SHROOM3: variants seen among roughly 807,000 people sequenced by gnomAD.
The protein encoded by SHROOM3 is protein Shroom3.
Under a neutral mutation model 138.6 loss-of-function variants are expected in SHROOM3, and 47 were observed. The observed-to-expected ratio is 0.34, with a 90% CI of 0.27 to 0.43. SHROOM3 has a LOEUF of 0.43. SHROOM3 is among the 20% of genes least tolerant of loss of function. The pLI, the probability that SHROOM3 is intolerant of heterozygous loss-of-function variation, is 1.00. For missense variants in SHROOM3, 2,491 were observed against 2,596.5 expected (o/e 0.96, Z 0.88); for synonymous variants, 1,062 against 1,063.3 (o/e 1.00, Z 0.02).
At chr4:76,658,184 A>G (rs1041960736) in intron 2 of SHROOM3, among the ~76,000 whole-genome samples, 18 of 152,362 alleles carry the variant, frequency 1.2e-4, no homozygotes, top group African/African-American at 4.1e-4. Context: ...GACTGTGAGG[A>G]TGTGAAGCTG....
intron 1 of SHROOM3, 83 bp from the exon 2 acceptor site, chr4:76,555,526 C>G: frequency 1.3e-6 from 2 of 1,598,120 alleles, no homozygotes; most frequent in Non-Finnish European, 1.7e-6. Context: ...CTGCAGGAGT[C>G]TAAGCTGGGC....
intron 3 of SHROOM3, among the ~76,000 whole-genome samples, chr4:76,728,819 T>C (rs1249589588): frequency 6.6e-6 from 1 of 152,178 alleles, no homozygotes; most frequent in African/African-American, 2.4e-5. Flanking sequence ...CGAAAGGCTG[T>C]GACCATGGTA....
intron 1 of SHROOM3, among the ~76,000 whole-genome samples, chr4:76,442,066 G>T (rs1230190389): frequency 6.6e-6 from 1 of 152,232 alleles, no homozygotes; most frequent in Non-Finnish European, 1.5e-5. Flanking sequence ...GTCCTATAAA[G>T]GTAGTTGTTT....
chr4:76,683,294 A>T (rs771411625), intron 2 of SHROOM3, among the ~76,000 whole-genome samples: 20 of 152,202 alleles, frequency 1.3e-4, no homozygotes, highest in Non-Finnish European at 2.4e-4. Context: ...AAAGTTAATC[A>T]TTTCTCTGCC....
chr4:76,621,830 C>CTTT, intron 2 of SHROOM3, among the ~76,000 whole-genome samples: 1 of 133,380 alleles, frequency 7.5e-6, no homozygotes, highest in Non-Finnish European at 1.6e-5. Context: ...TTTGAATGTT[C>CTTT]TTTTTTTTTT....
intron 1 of SHROOM3, among the ~76,000 whole-genome samples, chr4:76,461,067 A>G (rs1731133333): frequency 1.3e-5 from 2 of 152,068 alleles, no homozygotes; most frequent in Admixed American, 6.6e-5. Flanking sequence ...AGGGCACATC[A>G]TAATGGCTTT....
At chr4:76,459,551 T>C (rs150168400) in intron 1 of SHROOM3, among the ~76,000 whole-genome samples, 177 of 152,224 alleles carry the variant, frequency 1.2e-3, no homozygotes, top group African/African-American at 4.1e-3. Flanking sequence ...CAGGATCAAG[T>C]TGGAGCAGTA....
rs563793546 is a variant in SHROOM3, at chr4:76,561,642, C to T, written c.323+5879C>T. On this transcript the variant is annotated intron_variant, in intron 2 of 10. Transcript: ENST00000296043. Reference sequence around the variant, plus strand: ...CAAGCAGTGAAATCATGAACTAGTGCTTTCTATTCCACTGCCTCCTCCTTT... The same window carrying T: ...CAAGCAGTGAAATCATGAACTAGTGTTTTCTATTCCACTGCCTCCTCCTTT... Among the ~76,000 whole-genome samples the T allele has an allele frequency of 8.3e-5, 12 of 144,294 alleles. No individual in the cohort carries two copies. The South Asian group carries it at 2.6e-3, about 32-fold the overall frequency. 94.7% of individuals were successfully genotyped at this position (144,294 alleles called of 152,430 possible).
chr4:76,632,988 C>T (rs941506206), intron 2 of SHROOM3, among the ~76,000 whole-genome samples: 8 of 152,084 alleles, frequency 5.3e-5, no homozygotes, highest in African/African-American at 1.9e-4. Flanking sequence ...TCATTTTATC[C>T]TCACAATTCC....
Position 76,742,080 on chromosome 4 carries a change from TC to T in SHROOM3, c.3753+155del, listed in dbSNP as rs1721277888. ...AGCATTTGTTTTCATGAGTTGAGTT[TC>T]TCAAGTGTCCCTTACCTGGTTTCCT... On this transcript the variant is annotated intron_variant, in intron 5 of 10. Transcript: ENST00000296043. 3.1e-6 allele frequency: 3 copies of T among 983,246 alleles called. No individual in the cohort carries two copies. The South Asian group carries it at 4.1e-5, about 14-fold the overall frequency. The allele number at this position is 983,246 out of a possible 1,614,324, so 60.9% of individuals were successfully genotyped here. A position where few individuals can be genotyped will look rare whatever the true frequency, so the allele number is the denominator to read the frequency against.
intron 2 of SHROOM3, among the ~76,000 whole-genome samples, chr4:76,615,696 C>T (rs1040693439): frequency 2.0e-5 from 3 of 152,118 alleles, no homozygotes; most frequent in Non-Finnish European, 2.9e-5. Context: ...TCTGGAAAGT[C>T]GGAAGCACCT....
rs1043566052 is a variant in SHROOM3, at chr4:76,742,911, T to A, written c.3753+985T>A. On this transcript the variant is annotated intron_variant, in intron 5 of 10. Transcript: ENST00000296043. Reference sequence around the variant, plus strand: ...CCATTCAGCAAGCATCTGTAGAGCATGTGTTGTATGAAAAATGCTGTGTTA... The same window carrying A: ...CCATTCAGCAAGCATCTGTAGAGCAAGTGTTGTATGAAAAATGCTGTGTTA... 2.0e-5 allele frequency among the ~76,000 whole-genome samples: 3 copies of A among 152,268 alleles called. No individual in the cohort carries two copies. In the South Asian group the frequency reaches 6.2e-4, roughly 32 times the overall value.
At chr4:76,486,077 A>G (rs1021524722) in intron 1 of SHROOM3, among the ~76,000 whole-genome samples, 4 of 152,196 alleles carry the variant, frequency 2.6e-5, no homozygotes, top group Non-Finnish European at 5.9e-5. Flanking sequence ...TCTGAGGTAC[A>G]GAAAAAAATA....
chr4:76,682,237 T>C (rs896157918), intron 2 of SHROOM3, among the ~76,000 whole-genome samples: 2 of 152,170 alleles, frequency 1.3e-5, no homozygotes, highest in African/African-American at 4.8e-5. Context: ...ACTGGAAAAG[T>C]CAATGTTATG....
chr4:76,608,537 T>C (rs1734671616), intron 2 of SHROOM3, among the ~76,000 whole-genome samples: 1 of 20,736 alleles, frequency 4.8e-5, no homozygotes, highest in African/African-American at 1.9e-4. Flanking sequence ...TGGCATAGCA[T>C]AGCATAGCAT....
chr4:76,765,192 GAGA>G (rs972673845), intron 9 of SHROOM3, among the ~76,000 whole-genome samples: 1 of 150,914 alleles, frequency 6.6e-6, no homozygotes, highest in Admixed American at 6.6e-5. Flanking sequence ...TTTCTTTGCT[GAGA>G]AGGTCTCTTT....
chr4:76,709,588 G>A (rs1720166671), intron 2 of SHROOM3, among the ~76,000 whole-genome samples: 1 of 152,194 alleles, frequency 6.6e-6, no homozygotes, highest in Non-Finnish European at 1.5e-5. Context: ...GATTTAAATG[G>A]ACACACAAAA....
intron 2 of SHROOM3, among the ~76,000 whole-genome samples, chr4:76,681,747 A>G (rs1364022858): frequency 6.6e-6 from 1 of 152,084 alleles, no homozygotes; most frequent in East Asian, 1.9e-4. Flanking sequence ...CAGATGGATT[A>G]GGAATCTGTG....
chr4:76,561,612 C>T (rs933839212), intron 2 of SHROOM3, among the ~76,000 whole-genome samples: 1 of 151,280 alleles, frequency 6.6e-6, no homozygotes, highest in Non-Finnish European at 1.5e-5. Context: ...GGACTTTTGG[C>T]CCCTCAAGCA....
Sources: allele counts gnomAD v4.1 joint callset (sites outside exome capture counted in the v4.1 genomes callset), GRCh38; gene constraint gnomAD v4.1.1; transcripts MANE v1.5; gene names NCBI Gene and HGNC (gene_info 2026-07-23, HGNC 2026-07-21).